CCDC171: variants seen among roughly 807,000 people sequenced by gnomAD.
CCDC171 encodes coiled-coil domain containing 171.
In CCDC171, 177 loss-of-function variants were observed where a neutral mutation model predicts 168.2. That is an observed-to-expected ratio of 1.05 (90% CI 0.93 to 1.19). The LOEUF (loss-of-function observed/expected upper bound fraction) is 1.19. CCDC171 is among the 50% of genes most tolerant of loss of function. The pLI is 0.00. For synonymous variants in CCDC171, 687 were observed against 540.8 expected, an observed-to-expected ratio of 1.27 and a Z score of -3.75; for missense variants, 1,991 against 1,539.0, an observed-to-expected ratio of 1.29 and a Z score of -4.91.
intron 7 of CCDC171, among the ~76,000 whole-genome samples, chr9:15,641,283 T>G (rs1293390967): frequency 6.6e-6 from 1 of 152,232 alleles, no homozygotes; most frequent in African/African-American, 2.4e-5. Context: ...TATGTACTCA[T>G]GATAATTCAT....
intron 6 of CCDC171, among the ~76,000 whole-genome samples, chr9:15,602,807 A>G (rs2042958832): frequency 1.3e-5 from 2 of 151,074 alleles, no homozygotes; most frequent in South Asian, 4.2e-4. Context: ...ACAGGCACGC[A>G]CCACCATGCC....
At chr9:15,949,387 C>T (rs1423993366) in intron 25 of CCDC171, among the ~76,000 whole-genome samples, 4 of 152,124 alleles carry the variant, frequency 2.6e-5, no homozygotes, top group South Asian at 2.1e-4. Flanking sequence ...ATGGGTATGG[C>T]ATTGAATCTC....
chr9:16,002,170 A>C (rs1367080834), intron 3 of CCDC171, among the ~76,000 whole-genome samples: 1 of 142,324 alleles, frequency 7.0e-6, no homozygotes, highest in African/African-American at 2.6e-5. Flanking sequence ...GTTATTTTAG[A>C]ATGTACTCCT....
intron 21 of CCDC171, among the ~76,000 whole-genome samples, chr9:15,846,435 T>G (rs1359670611): frequency 3.3e-5 from 5 of 152,144 alleles, no homozygotes. Context: ...ATCAGATTAT[T>G]TTTAGTAAGA....
chr9:15,561,078 A>G (rs1178523042), intron 1 of CCDC171, among the ~76,000 whole-genome samples: 2 of 152,110 alleles, frequency 1.3e-5, no homozygotes. Context: ...TCACGCTGGG[A>G]GCTACAGACT....
chr9:16,098,712 C>T, the CCDC171 span, among the ~76,000 whole-genome samples: 1 of 152,202 alleles, frequency 6.6e-6, no homozygotes, highest in East Asian at 1.9e-4. Flanking sequence ...TGTCTCAATT[C>T]ACAACCAGTG....
chr9:15,996,600 A>G (rs1223708740), intron 3 of CCDC171, among the ~76,000 whole-genome samples: 1 of 151,934 alleles, frequency 6.6e-6, no homozygotes, highest in Admixed American at 6.6e-5. Flanking sequence ...ATTTTGGATT[A>G]GGAATGCTCA....
In CCDC171 at chr9:15,570,893, A is replaced by C. The variant is rs80017846; in HGVS notation, c.42-731A>C. On this transcript the variant is annotated intron_variant, in intron 2 of 25. Transcript: ENST00000380701. Reference sequence around the variant, plus strand: ...ACCGTCTGTTTTATCCTCTCCAGGGAATAAACCCCTAGTGTTTTTCTGCCA... The same window carrying C: ...ACCGTCTGTTTTATCCTCTCCAGGGCATAAACCCCTAGTGTTTTTCTGCCA... 1.3e-4 allele frequency among the ~76,000 whole-genome samples: 20 copies of C among 152,348 alleles called. No individual in the cohort carries two copies. In the East Asian group the frequency reaches 3.5e-3, roughly 26 times the overall value.
chr9:15,631,070 G>C (rs2045644875), intron 7 of CCDC171, among the ~76,000 whole-genome samples: 1 of 151,970 alleles, frequency 6.6e-6, no homozygotes, highest in South Asian at 2.1e-4. Flanking sequence ...GAGAAAGCCG[G>C]AAAGATCCAA....
At chr9:15,990,125 G>T (rs999662554) in intron 3 of CCDC171, among the ~76,000 whole-genome samples, 12 of 152,062 alleles carry the variant, frequency 7.9e-5, no homozygotes, top group African/African-American at 2.2e-4. Context: ...ACACATAATT[G>T]TCAGATTCAC....
chr9:15,770,689 G>A (rs1401866865), intron 18 of CCDC171, among the ~76,000 whole-genome samples: 1 of 152,150 alleles, frequency 6.6e-6, no homozygotes, highest in East Asian at 1.9e-4. Context: ...ATACATATGA[G>A]CTATTCTATA....
intron 21 of CCDC171, among the ~76,000 whole-genome samples, chr9:15,804,779 C>G (rs956663731): frequency 2.0e-5 from 3 of 151,144 alleles, no homozygotes; most frequent in Non-Finnish European, 4.5e-5. Context: ...CTGTTTATTA[C>G]TGGGAGGAAT....
At chr9:15,613,845 A>T (rs769471326) in intron 6 of CCDC171, among the ~76,000 whole-genome samples, 20 of 152,270 alleles carry the variant, frequency 1.3e-4, no homozygotes, top group Middle Eastern at 3.4e-3. Flanking sequence ...TTTTCTAATG[A>T]CTAATGATGT....
intron 11 of CCDC171, 140 bp downstream of exon 11, chr9:15,695,477 G>A (rs1450471012): frequency 2.9e-6 from 2 of 677,998 alleles, no homozygotes; most frequent in Non-Finnish European, 5.3e-6. Context: ...AGTTCTCACA[G>A]CAGTCAGTTG....
the CCDC171 span, among the ~76,000 whole-genome samples, chr9:16,086,704 CTA>C: frequency 4.6e-5 from 7 of 152,252 alleles, no homozygotes; most frequent in East Asian, 1.4e-3. Context: ...TTTCATGTCT[CTA>C]TCTCCTTCAG....
intron 24 of CCDC171, among the ~76,000 whole-genome samples, chr9:15,907,285 G>C (rs1226292220): frequency 1.3e-5 from 2 of 152,138 alleles, no homozygotes; most frequent in African/African-American, 4.8e-5. Context: ...AACCAAAACA[G>C]CATGGTACTG....
intron 3 of CCDC171, among the ~76,000 whole-genome samples, chr9:15,983,973 G>C (rs1172867133): frequency 2.6e-5 from 4 of 152,014 alleles, no homozygotes; most frequent in Non-Finnish European, 5.9e-5. Flanking sequence ...GAACCATTGA[G>C]GCAGCATAAA....
intron 24 of CCDC171, among the ~76,000 whole-genome samples, chr9:15,889,264 C>A (rs1022300871): frequency 3.9e-5 from 6 of 151,964 alleles, no homozygotes; most frequent in Non-Finnish European, 7.4e-5. Context: ...TAGGAAAAAT[C>A]CTGAACTGAG....
At chr9:15,745,123 A>G (rs2055179965) in intron 17 of CCDC171, among the ~76,000 whole-genome samples, 1 of 152,194 alleles carries the variant, frequency 6.6e-6, no homozygotes, top group African/African-American at 2.4e-5. Context: ...TACCAGTATA[A>G]TTTATTTTCA....
Sources: allele counts gnomAD v4.1 joint callset (sites outside exome capture counted in the v4.1 genomes callset), GRCh38; gene constraint gnomAD v4.1.1; transcripts MANE v1.5; gene names NCBI Gene and HGNC (gene_info 2026-07-23, HGNC 2026-07-21).